The following SLC44A1 variants were observed in gnomAD, a reference collection of about 807,000 sequenced individuals.
SLC44A1 encodes the protein choline transporter-like protein 1.
SLC44A1 carries 26 observed loss-of-function variants against 79.3 expected under a neutral mutation model. That is an observed-to-expected ratio of 0.33 (90% CI 0.24 to 0.46). SLC44A1 has a LOEUF of 0.46. SLC44A1 is among the 20% of genes least tolerant of loss of function. The pLI is 1.00. For missense variants in SLC44A1, 688 were observed against 798.1 expected, an observed-to-expected ratio of 0.86 and a Z score of 1.66; for synonymous variants, 263 against 286.2, an observed-to-expected ratio of 0.92 and a Z score of 0.82.
chr9:105,381,315 G>A (rs569847504), intron 13 of SLC44A1, among the ~76,000 whole-genome samples: 27 of 151,950 alleles, frequency 1.8e-4, no homozygotes, highest in African/African-American at 6.5e-4. Context: ...CCTGGCGGGC[G>A]GATCACCTGA....
At chr9:105,332,171 G>A (rs1427451344) in intron 3 of SLC44A1, among the ~76,000 whole-genome samples, 1 of 146,666 alleles carries the variant, frequency 6.8e-6, no homozygotes, top group Non-Finnish European at 1.5e-5. Flanking sequence ...CCAGGCTGGA[G>A]TGCGGTGGTG....
Position 105,408,278 on chromosome 9 carries a change from G to C in SLC44A1, c.1950+22776G>C, listed in dbSNP as rs547171377. 1.5e-3 allele frequency among the ~76,000 whole-genome samples: 224 copies of C among 152,102 alleles called. 1 individual carries two copies. Among genetic ancestry groups the C allele is most frequent in the Admixed American group, 2.5e-3 (38 of 15,274 alleles). On this transcript the variant is annotated intron_variant, in intron 15 of 15. Transcript: ENST00000374724. ...GAGAAATGCTAAGGGAAATTATTCA[G>C]GAAGAAATGAAAGAACACAAGTAAC... is the stretch of plus-strand genomic sequence containing the variant.
At chr9:105,422,791 A>C (rs1217670335) in intron 15 of SLC44A1, among the ~76,000 whole-genome samples, 2 of 152,132 alleles carry the variant, frequency 1.3e-5, no homozygotes, top group Non-Finnish European at 1.5e-5. Flanking sequence ...TTTTTCTTAC[A>C]AACTCTCAGT....
At chr9:105,369,242 A>G (rs1828029610) in intron 12 of SLC44A1, among the ~76,000 whole-genome samples, 1 of 152,204 alleles carries the variant, frequency 6.6e-6, no homozygotes, top group Non-Finnish European at 1.5e-5. Context: ...TTTATTTTTC[A>G]TAGTTATGTA....
chr9:105,397,793 A>G (rs549558397), downstream of SLC44A1, among the ~76,000 whole-genome samples: 7 of 152,006 alleles, frequency 4.6e-5, no homozygotes, highest in African/African-American at 1.7e-4. Context: ...AAAAAATACA[A>G]AAAAATAAGC....
chr9:105,302,685 A>C (rs1330546484), intron 2 of SLC44A1, among the ~76,000 whole-genome samples: 1 of 152,092 alleles, frequency 6.6e-6, no homozygotes, highest in South Asian at 2.1e-4. Flanking sequence ...AAAAAAAAAA[A>C]AAAAACCTAA....
At chr9:105,321,845 C>T (rs1172422605) in intron 3 of SLC44A1, among the ~76,000 whole-genome samples, 3 of 150,702 alleles carry the variant, frequency 2.0e-5, no homozygotes, top group African/African-American at 7.3e-5. Context: ...ATATAATCTA[C>T]TTCTGGTTGA....
chr9:105,346,233 A>G (rs1356170159), intron 4 of SLC44A1, among the ~76,000 whole-genome samples: 1 of 152,110 alleles, frequency 6.6e-6, no homozygotes, highest in East Asian at 1.9e-4. Flanking sequence ...TACAGGATCT[A>G]TTTAGTACTG....
intron 3 of SLC44A1, among the ~76,000 whole-genome samples, chr9:105,334,524 T>G (rs567262192): frequency 1.3e-5 from 2 of 152,340 alleles, no homozygotes; most frequent in Non-Finnish European, 2.9e-5. Flanking sequence ...TTTAACTGTG[T>G]GAAAGGCTAT....
At position 105,374,748 on chromosome 9, in the gene SLC44A1, AT is replaced by A; in HGVS notation, c.1632+19del. 2 of 1,593,494 alleles carry A rather than the reference AT, an allele frequency of 1.3e-6. No individual in the cohort carries two copies. The highest frequency in any genetic ancestry group is 1.1e-5 in the South Asian group (1 of 87,926). On this transcript the variant is annotated intron_variant, in intron 13 of 15. Transcript: ENST00000374720. ...ATTCCTTGGCAAGGTAAAACCAAGT[AT>A]TTTTTCTGCAACATACAGTAAAATT...
At chr9:105,285,106 C>T (rs1830444119) in intron 1 of SLC44A1, among the ~76,000 whole-genome samples, 1 of 152,120 alleles carries the variant, frequency 6.6e-6, no homozygotes. Context: ...CTTTTTATTG[C>T]AAAATTATAT....
intron 15 of SLC44A1, among the ~76,000 whole-genome samples, chr9:105,422,314 G>A (rs532041115): frequency 1.7e-5 from 2 of 114,366 alleles, no homozygotes. Flanking sequence ...TTTTGAGACA[G>A]AGTCTTACTC....
chr9:105,348,788 A>T (rs1453280554), intron 5 of SLC44A1, among the ~76,000 whole-genome samples: 2 of 152,134 alleles, frequency 1.3e-5, no homozygotes, highest in Non-Finnish European at 2.9e-5. Flanking sequence ...ACCAAGTCTC[A>T]CAATCTCCAA....
chr9:105,396,218 T>A lies in SLC44A1; in HGVS notation c.*7162T>A, dbSNP rs1220342744. The A allele has an allele frequency of 2.0e-6, 2 of 984,910 alleles. No homozygotes were observed. The highest frequency in any genetic ancestry group is 3.5e-5 in the African/African-American group (2 of 57,216). 61.0% of individuals were successfully genotyped at this position (984,910 alleles called of 1,614,324 possible). A position where few individuals can be genotyped will look rare whatever the true frequency, so the allele number is the denominator to read the frequency against. The stretch of plus-strand genomic sequence containing the variant: ...ACTGAGAGCTCCATAATGAAAGAAG[T>A]TGTTATACTTTCTCAGAATATTCTG... On this transcript the variant is annotated 3_prime_UTR_variant, in exon 16 of 16. Coordinates refer to ENST00000374720, the MANE Select transcript of SLC44A1 (RefSeq NM_080546.5).
At chr9:105,352,075 AC>A (rs1306063522) in intron 5 of SLC44A1, among the ~76,000 whole-genome samples, 1 of 152,194 alleles carries the variant, frequency 6.6e-6, no homozygotes, top group African/African-American at 2.4e-5. Context: ...AGCCTGAGCA[AC>A]ATAGCAAGAC....
Position 105,402,939 on chromosome 9 carries a change from A to G in SLC44A1, c.1950+17437A>G, listed in dbSNP as rs369281784. On this transcript the variant is annotated intron_variant, in intron 15 of 15. Transcript: ENST00000374724. The stretch of plus-strand genomic sequence containing the variant: ...CGATCCTCCCACCTCAGCCTCTAGA[A>G]TAGCTGAGACTACAGGCATGCACCT... 1.5e-4 allele frequency among the ~76,000 whole-genome samples: 22 copies of G among 148,992 alleles called. No individual in the cohort carries two copies. The East Asian group carries it at 3.3e-3, about 23-fold the overall frequency.
At chr9:105,261,602 T>C (rs1166551598) in intron 1 of SLC44A1, among the ~76,000 whole-genome samples, 1 of 152,002 alleles carries the variant, frequency 6.6e-6, no homozygotes, top group Non-Finnish European at 1.5e-5. Context: ...GGCTGCATGC[T>C]TTGGTTCTGT....
chr9:105,343,651 G>C (rs181628754), intron 4 of SLC44A1, among the ~76,000 whole-genome samples: 3 of 152,284 alleles, frequency 2.0e-5, no homozygotes, highest in African/African-American at 7.2e-5. Flanking sequence ...AATGATGCTT[G>C]GTTGTTTAAA....
intron 3 of SLC44A1, among the ~76,000 whole-genome samples, chr9:105,312,670 C>G (rs1564430596): frequency 6.6e-6 from 1 of 152,170 alleles, no homozygotes; most frequent in South Asian, 2.1e-4. Context: ...ATTGCTTTAT[C>G]TTTGCTAGTA....
Sources: allele counts gnomAD v4.1 joint callset (sites outside exome capture counted in the v4.1 genomes callset), GRCh38; gene constraint gnomAD v4.1.1; transcripts MANE v1.5; gene names NCBI Gene and HGNC (gene_info 2026-07-23, HGNC 2026-07-21).